The following HECTD4 variants were observed in gnomAD, a reference collection of about 807,000 sequenced individuals.
The protein encoded by HECTD4 is HECT domain E3 ubiquitin protein ligase 4, also known as probable E3 ubiquitin-protein ligase HECTD4.
A neutral mutation model predicts 471.5 loss-of-function variants in HECTD4; 114 were observed. That is an observed-to-expected ratio of 0.24 (90% CI 0.21 to 0.28). HECTD4 has a LOEUF of 0.28. Among genes scored for constraint, HECTD4 ranks in the 10% least tolerant of loss-of-function variants. HECTD4 has a pLI of 1.00. For missense variants in HECTD4, 3,866 were observed against 5,651.5 expected, an observed-to-expected ratio of 0.68 and a Z score of 10.13; for synonymous variants, 2,012 against 2,256.0, an observed-to-expected ratio of 0.89 and a Z score of 3.07.
intron 2 of HECTD4, among the ~76,000 whole-genome samples, chr12:112,318,665 C>T (rs1170339203): frequency 2.0e-5 from 3 of 152,182 alleles, no homozygotes; most frequent in African/African-American, 4.8e-5. Context: ...TGAGCCACCA[C>T]GTCCAGCCAT....
chr12:112,229,327 AAAACAAACAAACAAAC>A (rs111958992), intron 41 of HECTD4, among the ~76,000 whole-genome samples: 1 of 151,208 alleles, frequency 6.6e-6, no homozygotes, highest in African/African-American at 2.4e-5. Flanking sequence ...ACTCTGTCTC[AAAACAAACAAACAAAC>A]AAACAAACAA....
Position 112,216,818 on chromosome 12 carries a change from C to T in HECTD4, c.7340G>A (p.Arg2447Gln), listed in dbSNP as rs1202696811. Residue 2447 changes from arginine (R) to glutamine (Q), a missense_variant, in exon 47 of 76, where the codon CGA becomes CAA. Physicochemically the swap from Arg to Gln is conservative, Grantham distance 43. Around this residue, in one of 16 missense-constraint regions of HECTD4, gnomAD observed 617 missense variants for 915.1 expected, o/e 0.67. Coordinates refer to ENST00000682272, the MANE Select transcript of HECTD4 (RefSeq NM_001388303.1). ...SFGFTTEAEKRDGAWTNPVGT... is the reference protein window; with the variant it reads ...SFGFTTEAEKQDGAWTNPVGT... ...CACTGGATTAGTCCAAGCCCCATCT[C>T]GCTTCTCTGCTTCTGTAGTGAAGCC... 6.2e-7 allele frequency: 1 copy of T among 1,613,894 alleles called. No individual in the cohort carries two copies. The highest frequency in any genetic ancestry group is 8.5e-7 in the Non-Finnish European group (1 of 1,179,908).
At chr12:112,242,261 G>C (rs1297450558) in intron 32 of HECTD4, among the ~76,000 whole-genome samples, 2 of 152,180 alleles carry the variant, frequency 1.3e-5, no homozygotes, top group Non-Finnish European at 2.9e-5. Flanking sequence ...GTCAGCAGAG[G>C]ATGTGTTAAT....
chr12:112,188,352 C>T lies in HECTD4; in HGVS notation c.9472+2434G>A, dbSNP rs2031957596. 6.6e-6 allele frequency among the ~76,000 whole-genome samples: 1 copy of T among 152,140 alleles called. No homozygotes were observed. The highest frequency in any genetic ancestry group is 6.5e-5 in the Admixed American group (1 of 15,270). ...CACAATTTGTGGACATGGAAACAAT[C>T]ATATAATGGTGGCATGATAATGACT... On this transcript the variant is annotated intron_variant, in intron 60 of 75. Coordinates refer to ENST00000682272, the MANE Select transcript of HECTD4 (RefSeq NM_001388303.1). The surrounding 1 kb of genome is among the most constrained non-coding windows in gnomAD (Gnocchi z 4.2).
rs369863534 is a variant in HECTD4 at position 112,186,937 on chromosome 12, G to A, written c.9473-1444C>T. 3.3e-5 allele frequency among the ~76,000 whole-genome samples: 5 copies of A among 152,026 alleles called. No individual in the cohort carries two copies. The East Asian group carries it at 9.7e-4, about 29-fold the overall frequency. On this transcript the variant is annotated intron_variant, in intron 60 of 75. Coordinates refer to ENST00000682272, the MANE Select transcript of HECTD4 (RefSeq NM_001388303.1). ...TGTGCCTCAGCCTCCCAAAGTGCTG[G>A]GATTACAGATGTGAGCCACTGTACC...
At chr12:112,232,099 A>T (rs1181697224) in intron 38 of HECTD4, among the ~76,000 whole-genome samples, 2 of 152,018 alleles carry the variant, frequency 1.3e-5, no homozygotes, top group Non-Finnish European at 2.9e-5. Context: ...TCTTTAACCA[A>T]TCCCCTCTTT....
chr12:112,232,102 C>T (rs1416240936), intron 38 of HECTD4, among the ~76,000 whole-genome samples: 1 of 152,028 alleles, frequency 6.6e-6, no homozygotes. Flanking sequence ...TTAACCAATC[C>T]CCTCTTTATG....
rs759432461 is a variant in HECTD4 at position 112,258,825 on chromosome 12, CAAACTA to C, written c.3028-235_3028-230del. The C allele has an allele frequency of 3.1e-5, 17 of 554,672 alleles. No individual in the cohort carries two copies. In the Middle Eastern group the frequency reaches 1.4e-3, roughly 45 times the overall value. 34.4% of individuals were successfully genotyped at this position (554,672 alleles called of 1,614,324 possible). ...TATTAGCTGGCAAGGACTCAGGAGA[CAAACTA>C]TAATGGTAGGTTTTTGGTAGCATTG... On this transcript the variant is annotated intron_variant, in intron 19 of 75. Transcript: ENST00000682272.
chr12:112,181,938 A>C (rs2031683321), intron 62 of HECTD4, among the ~76,000 whole-genome samples: 1 of 152,128 alleles, frequency 6.6e-6, no homozygotes, highest in South Asian at 2.1e-4. Flanking sequence ...CTAAAAATAC[A>C]AAAATTAGCT....
rs2036899225 is a variant in HECTD4 at position 112,381,817 on chromosome 12, C to A, written c.177+135G>T. The A allele has an allele frequency of 7.9e-6, 4 of 505,216 alleles. No homozygotes were observed. The highest frequency in any genetic ancestry group is 1.2e-5 in the Non-Finnish European group (4 of 336,610). The allele number at this position is 505,216 out of a possible 1,614,324, so 31.3% of individuals were successfully genotyped here. A position where few individuals can be genotyped will look rare whatever the true frequency, so the allele number is the denominator to read the frequency against. On this transcript the variant is annotated intron_variant, in intron 1 of 75. Transcript: ENST00000682272. The surrounding 1 kb of genome is among the most constrained non-coding windows in gnomAD (Gnocchi z 4.1). ...CTGCGGCCGCGGCCCCACCTGCCCG[C>A]CCCGCGCCCACACACACCTGCCCCG... is the stretch of plus-strand genomic sequence containing the variant.
chr12:112,323,011 G>T, intron 1 of HECTD4: 1 of 190,628 alleles, frequency 5.2e-6, no homozygotes, highest in Non-Finnish European at 1.1e-5. Context: ...CCAGTACCTG[G>T]CAGGACAAAG....
At chr12:112,323,957 T>C (rs186976828) in intron 1 of HECTD4, among the ~76,000 whole-genome samples, 26 of 43,582 alleles carry the variant, frequency 6.0e-4, no homozygotes, top group South Asian at 2.7e-3. Flanking sequence ...CTTCTTTCTT[T>C]CTTTCTTTCT....
intron 7 of HECTD4, among the ~76,000 whole-genome samples, chr12:112,296,052 G>C (rs2035002477): frequency 6.6e-6 from 1 of 152,228 alleles, no homozygotes; most frequent in African/African-American, 2.4e-5. Flanking sequence ...ACAAGGGACA[G>C]AGGGGGAACA....
rs1270247060 is a variant in HECTD4, at chr12:112,248,079, G to A, written c.4236C>T (p.Tyr1412=). The A allele has an allele frequency of 1.2e-6, 2 of 1,611,790 alleles. No individual in the cohort carries two copies. The highest frequency in any genetic ancestry group is 3.3e-5 in the Admixed American group (2 of 59,806). ...ACAATTTGCTCACCTCATTAAAATGGTAATCATAAAAGAAAGGCATGTTGT... is the reference window on the plus strand; with the variant it reads ...ACAATTTGCTCACCTCATTAAAATGATAATCATAAAAGAAAGGCATGTTGT... ...LENNMPFFYD[Y]HFNENKMKEL... The change falls in exon 27 of 76, where the codon TAC becomes TAT. Residue 1412 remains tyrosine, a synonymous_variant. Coordinates refer to ENST00000682272, the MANE Select transcript of HECTD4 (RefSeq NM_001388303.1).
chr12:112,283,216 A>G lies in HECTD4; in HGVS notation c.1422T>C (p.Asn474=), dbSNP rs377277702. The change falls in exon 8 of 76, where the codon AAT becomes AAC. Residue 474 remains asparagine (N), a synonymous_variant. Transcript: ENST00000682272. ...RKEGESAKSI[N]EMLLSRLSRY... ...GAGAAAGTCTACTTAGAAGCATCTC[A>G]TTAATGCTTTTGGCAGATTCGCCCT... 4.3e-5 allele frequency: 70 copies of G among 1,613,022 alleles called. 1 individual carries two copies. The Middle Eastern group carries it at 1.7e-3, about 38-fold the overall frequency.
chr12:112,204,741 T>C, intron 52 of HECTD4, 118 bp from the exon 53 acceptor site: 1 of 815,296 alleles, frequency 1.2e-6, no homozygotes, highest in Non-Finnish European at 1.9e-6. Flanking sequence ...TTTATGAAAG[T>C]ACATAACCCT....
At chr12:112,326,788 TG>T (rs1356157341) in intron 1 of HECTD4, among the ~76,000 whole-genome samples, 5 of 152,182 alleles carry the variant, frequency 3.3e-5, no homozygotes, top group Non-Finnish European at 7.3e-5. Context: ...CCATCTACTT[TG>T]CTGTTCAGAA....
Position 112,167,900 on chromosome 12 carries a change from A to G in HECTD4, c.12226T>C (p.Phe4076Leu). Residue 4076 changes from phenylalanine (F) to leucine (L), a missense_variant, in exon 71 of 76, where the codon TTC (phenylalanine) becomes CTC (leucine). Physicochemically the swap from Phe to Leu is conservative, Grantham distance 22. Coordinates refer to ENST00000682272, the MANE Select transcript of HECTD4 (RefSeq NM_001388303.1). ...AGCTCCTTACACACCTGCCACAGGA[A>G]GTGGCGGAAAGAGCCGCCTGTAGGA... Reference protein sequence around the residue: ...VHGTSGSFRHFLWQVCKELQS... With the variant: ...VHGTSGSFRHLLWQVCKELQS... 6.2e-7 allele frequency: 1 copy of G among 1,613,316 alleles called. No individual in the cohort carries two copies. The highest frequency in any genetic ancestry group is 8.5e-7 in the Non-Finnish European group (1 of 1,179,826).
intron 1 of HECTD4, among the ~76,000 whole-genome samples, chr12:112,357,072 A>T (rs2036354742): frequency 6.6e-6 from 1 of 152,216 alleles, no homozygotes; most frequent in African/African-American, 2.4e-5. Context: ...AGTAATGACC[A>T]AAATAGACCA....
Sources: gnomAD v4.1 joint callset for allele counts (sites outside exome capture counted in the v4.1 genomes callset) on GRCh38, gnomAD v4.1.1 for gene constraint, gnomAD v4.1.1 regional missense constraint, Gnocchi (gnomAD v3.1) non-coding constraint, MANE v1.5 for transcripts, NCBI Gene and HGNC (gene_info 2026-07-23, HGNC 2026-07-21) for gene names.